Variants in EPB41L2 observed in about 807,000 individuals in gnomAD.
The protein encoded by EPB41L2 is band 4.1-like protein 2.
In EPB41L2, 43 loss-of-function variants were observed where a neutral mutation model predicts 113.0. The observed-to-expected ratio is 0.38, with a 90% CI of 0.30 to 0.49. The LOEUF is 0.49. EPB41L2 is among the 20% of genes least tolerant of loss of function. The pLI is 0.95. For synonymous variants in EPB41L2, 442 were observed against 436.7 expected, an observed-to-expected ratio of 1.01 and a Z score of -0.15; for missense variants, 1,147 against 1,223.4, an observed-to-expected ratio of 0.94 and a Z score of 0.93.
At chr6:130,929,860 CACACA>C (rs1806145006) in intron 3 of EPB41L2, among the ~76,000 whole-genome samples, 1 of 81,492 alleles carries the variant, frequency 1.2e-5, no homozygotes, top group African/African-American at 5.7e-5. Flanking sequence ...CAGACAGTCA[CACACA>C]CACACACACA....
chr6:131,039,048 A>G (rs1440644290), intron 1 of EPB41L2, among the ~76,000 whole-genome samples: 1 of 152,192 alleles, frequency 6.6e-6, no homozygotes, highest in African/African-American at 2.4e-5. Flanking sequence ...ATGTTATTCC[A>G]TTAGAAAACG....
At chr6:131,028,107 A>T (rs1270661982) in intron 1 of EPB41L2, among the ~76,000 whole-genome samples, 3 of 152,236 alleles carry the variant, frequency 2.0e-5, no homozygotes, top group Admixed American at 6.5e-5. Context: ...CAGTAAAAAG[A>T]TGATGTCAAT....
chr6:130,956,173 C>T lies in EPB41L2; in HGVS notation c.313G>A (p.Ala105Thr). 1 of 1,614,194 alleles carries T rather than the reference C, an allele frequency of 6.2e-7. No individual in the cohort carries two copies. The highest frequency in any genetic ancestry group is 2.2e-5 in the East Asian group (1 of 44,878). The change falls in exon 2 of 20, where the codon GCT becomes ACT. Residue 105 changes from alanine to threonine, a missense_variant. Coordinates refer to ENST00000337057, the MANE Select transcript of EPB41L2 (RefSeq NM_001431.4). ...DGGDKKEPTQ[A>T]VVEEQVLDKE... ...TCTAAGACCTGTTCTTCAACAACAG[C>T]TTGGGTAGGCTCTTTTTTATCTCCT...
chr6:131,020,884 G>A (rs900468105), intron 1 of EPB41L2, among the ~76,000 whole-genome samples: 19 of 152,146 alleles, frequency 1.2e-4, no homozygotes, highest in Admixed American at 5.9e-4. Context: ...TGAATTCCTG[G>A]GCTCAAGCGA....
intron 3 of EPB41L2, among the ~76,000 whole-genome samples, chr6:130,929,244 A>G (rs1167918079): frequency 1.3e-5 from 2 of 152,266 alleles, no homozygotes; most frequent in African/African-American, 4.8e-5. Context: ...CAGAAATCAC[A>G]GCTGCGCCAA....
In EPB41L2 at chr6:130,874,400, A is replaced by G. The variant is rs571673491; in HGVS notation, c.2043+3704T>C. Among the ~76,000 whole-genome samples the G allele has an allele frequency of 3.9e-5, 6 of 152,272 alleles. No homozygotes were observed. The East Asian group carries it at 1.2e-3, about 29-fold the overall frequency. ...TTACTTTCAATAAGAATTACAATTC[A>G]AAGATAAACGAGAACCCCTGCAGAA... is the stretch of plus-strand genomic sequence containing the variant. On this transcript the variant is annotated intron_variant, in intron 14 of 19. Transcript: ENST00000337057.
chr6:131,038,935 A>C (rs1315831987), intron 1 of EPB41L2, among the ~76,000 whole-genome samples: 1 of 152,218 alleles, frequency 6.6e-6, no homozygotes, highest in East Asian at 1.9e-4. Context: ...TTTCCACATT[A>C]AACTCTACAT....
chr6:131,009,645 T>A (rs1162345100), intron 1 of EPB41L2, among the ~76,000 whole-genome samples: 4 of 151,504 alleles, frequency 2.6e-5, no homozygotes, highest in African/African-American at 9.7e-5. Flanking sequence ...ATCTAAACTC[T>A]GTTTAACAAA....
chr6:131,017,742 T>C (rs1405912475), intron 1 of EPB41L2, among the ~76,000 whole-genome samples: 1 of 152,206 alleles, frequency 6.6e-6, no homozygotes, highest in Non-Finnish European at 1.5e-5. Flanking sequence ...AGTTTTACAC[T>C]GCCAAACTGT....
rs78924534 is a variant in EPB41L2 at position 130,890,476 on chromosome 6, G to GAA, written c.1488-12_1488-11dup. 332 of 1,344,422 alleles carry GAA rather than the reference G, an allele frequency of 2.5e-4. No individual in the cohort carries two copies. Among genetic ancestry groups the GAA allele is most frequent in the South Asian group, 1.1e-3 (75 of 68,496 alleles). 83.3% of individuals were successfully genotyped at this position (1,344,422 alleles called of 1,614,324 possible). A position where few individuals can be genotyped will look rare whatever the true frequency, so the allele number is the denominator to read the frequency against. ...CTCTGGAGAAACAAGCCTATGGGAGGAAAAAAAAAAAAAAAGAGAGAGAGA... is the reference window on the plus strand; with the variant it reads ...CTCTGGAGAAACAAGCCTATGGGAGGAAAAAAAAAAAAAAAAAGAGAGAGAGA... On this transcript the variant is annotated splice_polypyrimidine_tract_variant and intron_variant, in intron 10 of 19. Coordinates refer to ENST00000337057, the MANE Select transcript of EPB41L2 (RefSeq NM_001431.4).
intron 4 of EPB41L2, among the ~76,000 whole-genome samples, chr6:130,918,776 C>A (rs1488187092): frequency 6.6e-6 from 1 of 152,070 alleles, no homozygotes; most frequent in East Asian, 1.9e-4. Context: ...AATTAAGAAT[C>A]AAAATTTCCC....
At chr6:131,053,527 C>A (rs1042951245) in intron 1 of EPB41L2, among the ~76,000 whole-genome samples, 1 of 151,982 alleles carries the variant, frequency 6.6e-6, no homozygotes, top group Non-Finnish European at 1.5e-5. Context: ...AGGCAGCCCC[C>A]CTGAGCTCCA....
chr6:130,995,508 AT>A (rs1354894535), intron 1 of EPB41L2, among the ~76,000 whole-genome samples: 9 of 152,206 alleles, frequency 5.9e-5, no homozygotes, highest in Non-Finnish European at 1.2e-4. Context: ...CTCAAAAATA[AT>A]AATAAAATAA....
At chr6:130,966,973 A>G (rs752351855) in intron 1 of EPB41L2, among the ~76,000 whole-genome samples, 4 of 152,072 alleles carry the variant, frequency 2.6e-5, no homozygotes, top group African/African-American at 4.8e-5. Context: ...TATTTCACAA[A>G]CCCACCACTT....
At chr6:130,972,938 A>C (rs1777215447) in intron 1 of EPB41L2, among the ~76,000 whole-genome samples, 1 of 9,308 alleles carries the variant, frequency 1.1e-4, no homozygotes. Context: ...CTAAAGATAC[A>C]AAAAAAAAAA....
At chr6:130,848,638 T>C (rs1193982144) in intron 19 of EPB41L2, among the ~76,000 whole-genome samples, 1 of 152,182 alleles carries the variant, frequency 6.6e-6, no homozygotes, top group Non-Finnish European at 1.5e-5. Context: ...CAGACTTCCA[T>C]GTGCTCTAAT....
At chr6:130,932,919 C>A (rs1386248127) in intron 3 of EPB41L2, among the ~76,000 whole-genome samples, 1 of 152,216 alleles carries the variant, frequency 6.6e-6, no homozygotes, top group Non-Finnish European at 1.5e-5. Flanking sequence ...GGACTACCAA[C>A]CCATAATGTT....
chr6:131,006,059 G>A (rs1452259554), intron 1 of EPB41L2, among the ~76,000 whole-genome samples: 1 of 151,780 alleles, frequency 6.6e-6, no homozygotes, highest in African/African-American at 2.4e-5. Flanking sequence ...GTTTTCTTTT[G>A]TTTGTTCTTT....
chr6:131,051,713 C>A (rs1399196339), intron 1 of EPB41L2, among the ~76,000 whole-genome samples: 2 of 152,088 alleles, frequency 1.3e-5, no homozygotes, highest in African/African-American at 4.8e-5. Flanking sequence ...GAAAGAGCAT[C>A]CTTCAAATGG....
Sources: gnomAD v4.1 joint callset for allele counts (sites outside exome capture counted in the v4.1 genomes callset) on GRCh38, gnomAD v4.1.1 for gene constraint, MANE v1.5 for transcripts, NCBI Gene and HGNC (gene_info 2026-07-23, HGNC 2026-07-21) for gene names.